Variants in GMDS observed in about 807,000 individuals in gnomAD.
GMDS encodes GDP-mannose 4,6-dehydratase.
In GMDS, 20 loss-of-function variants were observed where a neutral mutation model predicts 49.9. That is an observed-to-expected ratio of 0.40 (90% CI 0.28 to 0.58). GMDS has a LOEUF of 0.58. Ranked by LOEUF, GMDS falls within the 20% of genes least tolerant of loss-of-function variation. The probability of loss-of-function intolerance (pLI) is 0.42; values close to 1 mark genes in which losing one functional copy is unlikely to be tolerated. For missense variants in GMDS, 362 were observed against 481.4 expected, an observed-to-expected ratio of 0.75 and a Z score of 2.32; for synonymous variants, 177 against 178.6, an observed-to-expected ratio of 0.99 and a Z score of 0.07.
At chr6:1,773,783 G>C (rs1036776395) in intron 7 of GMDS, among the ~76,000 whole-genome samples, 5 of 152,184 alleles carry the variant, frequency 3.3e-5, no homozygotes, top group African/African-American at 1.2e-4. Flanking sequence ...AGTTAATCAA[G>C]ATTTCAGTCT....
chr6:1,810,240 G>A (rs993784008), intron 7 of GMDS, among the ~76,000 whole-genome samples: 2 of 152,166 alleles, frequency 1.3e-5, no homozygotes, highest in African/African-American at 4.8e-5. Flanking sequence ...GAACTCAGCT[G>A]GATAGGTGGG....
intron 7 of GMDS, among the ~76,000 whole-genome samples, chr6:1,917,040 T>C (rs1052882364): frequency 5.3e-5 from 8 of 152,180 alleles, no homozygotes; most frequent in African/African-American, 1.9e-4. Context: ...GGACTGGCCT[T>C]TTCACATGTG....
At chr6:2,164,488 G>A (rs1777561691) in intron 1 of GMDS, among the ~76,000 whole-genome samples, 1 of 152,198 alleles carries the variant, frequency 6.6e-6, no homozygotes, top group Admixed American at 6.5e-5. Flanking sequence ...ACAATGCAGG[G>A]TTAATGCCCT....
intron 6 of GMDS, among the ~76,000 whole-genome samples, chr6:1,941,010 G>C (rs1475106158): frequency 6.6e-6 from 1 of 152,006 alleles, no homozygotes; most frequent in Non-Finnish European, 1.5e-5. Flanking sequence ...AAACTGCCCT[G>C]GTTGAGAACC....
intron 1 of GMDS, among the ~76,000 whole-genome samples, chr6:2,140,645 T>C (rs953015330): frequency 1.3e-5 from 2 of 152,212 alleles, no homozygotes; most frequent in African/African-American, 4.8e-5. Flanking sequence ...CCTTTTAGCA[T>C]CTGGCATACC....
At chr6:2,110,469 C>A (rs1774484386) in intron 4 of GMDS, among the ~76,000 whole-genome samples, 1 of 152,142 alleles carries the variant, frequency 6.6e-6, no homozygotes, top group African/African-American at 2.4e-5. Context: ...ACTAGCTTTT[C>A]TGTCTCATCC....
intron 1 of GMDS, among the ~76,000 whole-genome samples, chr6:2,178,718 T>C (rs1288959555): frequency 6.6e-6 from 1 of 152,182 alleles, no homozygotes; most frequent in African/African-American, 2.4e-5. Context: ...TCCATGAATC[T>C]AAAATAAAAG....
At chr6:1,669,486 C>T (rs1180174603) in intron 9 of GMDS, among the ~76,000 whole-genome samples, 1 of 152,186 alleles carries the variant, frequency 6.6e-6, no homozygotes, top group East Asian at 1.9e-4. Context: ...TGACACCTTC[C>T]TATGTCATGT....
At chr6:1,920,249 C>T (rs1456791567) in intron 7 of GMDS, among the ~76,000 whole-genome samples, 2 of 152,216 alleles carry the variant, frequency 1.3e-5, no homozygotes, top group East Asian at 3.8e-4. Context: ...GAACCTGGAG[C>T]TTGGGCTTGG....
chr6:2,165,607 T>C (rs1240047261), intron 1 of GMDS, among the ~76,000 whole-genome samples: 1 of 152,242 alleles, frequency 6.6e-6, no homozygotes. Context: ...TCTGACCAAA[T>C]GTCAGTTGGC....
intron 1 of GMDS, among the ~76,000 whole-genome samples, chr6:2,238,918 G>T (rs1035623041): frequency 1.3e-5 from 2 of 152,090 alleles, no homozygotes; most frequent in African/African-American, 2.4e-5. Context: ...ACAGCTCCAA[G>T]TTTTCACTCT....
intron 7 of GMDS, among the ~76,000 whole-genome samples, chr6:1,788,462 T>A (rs1396786184): frequency 1.3e-5 from 2 of 151,902 alleles, no homozygotes; most frequent in African/African-American, 4.8e-5. Context: ...TATCCTGGGG[T>A]TTCCTGGCAG....
At chr6:1,662,188 T>TC (rs1477035364) in intron 9 of GMDS, among the ~76,000 whole-genome samples, 2 of 151,678 alleles carry the variant, frequency 1.3e-5, no homozygotes, top group Non-Finnish European at 2.9e-5. Flanking sequence ...TCAGATCAGC[T>TC]CCCCCAGGTG....
At chr6:1,837,303 T>C (rs1265542313) in intron 7 of GMDS, among the ~76,000 whole-genome samples, 2 of 152,178 alleles carry the variant, frequency 1.3e-5, no homozygotes, top group Non-Finnish European at 2.9e-5. Flanking sequence ...GGAAAGTTCT[T>C]TGCCAATGGA....
At chr6:1,642,785 T>C (rs1298183711) in intron 9 of GMDS, among the ~76,000 whole-genome samples, 1 of 152,216 alleles carries the variant, frequency 6.6e-6, no homozygotes, top group Admixed American at 6.5e-5. Context: ...ACAGGCAAGC[T>C]GGGCCTGGAC....
chr6:1,999,040 TAGGCCAG>T (rs1224704562), intron 4 of GMDS, among the ~76,000 whole-genome samples: 1 of 152,012 alleles, frequency 6.6e-6, no homozygotes, highest in Admixed American at 6.6e-5. Context: ...ATGCAGATAA[TAGGCCAG>T]GTGCGGTGGC....
At chr6:1,742,719 C>G in intron 7 of GMDS, 133 bp from the exon 8 acceptor site, 1 of 585,810 alleles carries the variant, frequency 1.7e-6, no homozygotes, top group Non-Finnish European at 3.1e-6. Context: ...ATTCTAAGCA[C>G]AACAGCAATG....
chr6:2,154,863 C>CAAAAAAAAAAAAAAAAAAAAAAAAA (rs70992124), intron 1 of GMDS, among the ~76,000 whole-genome samples: 1 of 65,626 alleles, frequency 1.5e-5, no homozygotes. Flanking sequence ...TGAAGAGATG[C>CAAAAAAAAAAAAAAAAAAAAAAAAA]AAAAAAAAAA....
intron 9 of GMDS, among the ~76,000 whole-genome samples, chr6:1,641,412 G>A (rs1256503655): frequency 6.6e-6 from 1 of 152,186 alleles, no homozygotes; most frequent in African/African-American, 2.4e-5. Context: ...GAATGGACAG[G>A]AAAAAAGCTT....
Sources: gnomAD v4.1 joint callset for allele counts (sites outside exome capture counted in the v4.1 genomes callset) on GRCh38, gnomAD v4.1.1 for gene constraint, MANE v1.5 for transcripts, NCBI Gene and HGNC (gene_info 2026-07-23, HGNC 2026-07-21) for gene names.